C19orf47: variants seen among roughly 807,000 people sequenced by gnomAD.
C19orf47 encodes chromosome 19 open reading frame 47, also known as uncharacterized protein C19orf47.
In C19orf47, 18 loss-of-function variants were observed where a neutral mutation model predicts 32.3. That is an observed-to-expected ratio of 0.56 (90% confidence interval 0.39 to 0.83). The LOEUF is 0.83. Ranked by LOEUF, C19orf47 falls within the 40% of genes least tolerant of loss-of-function variation. C19orf47 has a pLI of 0.00. For missense variants in C19orf47, 484 were observed against 531.6 expected, an observed-to-expected ratio of 0.91 and a Z score of 0.88; for synonymous variants, 202 against 211.1, an observed-to-expected ratio of 0.96 and a Z score of 0.37.
At position 40,326,294 on chromosome 19, in the gene C19orf47, A is replaced by G. The variant is rs1195894158; in HGVS notation, c.592+40T>C. The stretch of plus-strand genomic sequence containing the variant: ...CCCTGTGTGATGCAGAGGGAGGGAC[A>G]TGGACCCCGCAGGGAAGCATGCCCC... On this transcript the variant is annotated intron_variant, in intron 7 of 8. Transcript: ENST00000683109. The G allele has an allele frequency of 8.1e-6, 13 of 1,610,988 alleles. 1 individual carries two copies. In the South Asian group the frequency reaches 1.2e-4, roughly 15 times the overall value.
intron 5 of C19orf47, among the ~76,000 whole-genome samples, 176 bp downstream of exon 5, chr19:40,333,675 T>C (rs955964279): frequency 6.6e-6 from 1 of 152,176 alleles, no homozygotes; most frequent in Non-Finnish European, 1.5e-5. Context: ...ATTGACTGTG[T>C]GTACAGCCAT....
intron 1 of C19orf47, among the ~76,000 whole-genome samples, chr19:40,346,596 G>A (rs1211470053): frequency 1.4e-5 from 2 of 144,838 alleles, no homozygotes; most frequent in African/African-American, 2.6e-5. Context: ...GCGTGATCTC[G>A]TCTCACTGCA....
intron 2 of C19orf47, among the ~76,000 whole-genome samples, chr19:40,339,463 A>G (rs2078133723): frequency 6.6e-6 from 1 of 152,222 alleles, no homozygotes; most frequent in South Asian, 2.1e-4. Context: ...ATAATGCAAT[A>G]TCCATTGACA....
In C19orf47 at chr19:40,335,639, T is replaced by TC. The variant is rs1345712581; in HGVS notation, c.222+470dup. Reference sequence around the variant, plus strand: ...TTTTTTTTTTTTTCTTGAGAGAGTCTCGCTCTGTCGCCCAGGCTGGAGTGC... The same window carrying TC: ...TTTTTTTTTTTTTCTTGAGAGAGTCTCCGCTCTGTCGCCCAGGCTGGAGTGC... On this transcript the variant is annotated intron_variant, in intron 4 of 8. Transcript: ENST00000683109. 4.7e-5 allele frequency among the ~76,000 whole-genome samples: 7 copies of TC among 149,890 alleles called. No individual in the cohort carries two copies. In the Admixed American group the frequency reaches 4.7e-4, roughly 10 times the overall value.
rs2077733432 is a variant in C19orf47 at position 40,322,178 on chromosome 19, C to T, written c.862G>A (p.Ala288Thr). Residue 288 changes from alanine (A) to threonine (T), a missense_variant, in exon 9 of 9, where the codon GCT becomes ACT. Physicochemically the swap from Ala to Thr is moderately conservative, Grantham distance 58. Around this residue, in one of 3 missense-constraint regions of C19orf47, gnomAD observed 376 missense variants for 370.2 expected, o/e 1.02. Transcript: ENST00000683109. Reference protein sequence around the residue: ...AKATSSATTAAAPTLRRLALS... With the variant: ...AKATSSATTATAPTLRRLALS... ...GCCAGGCGCCGCAGTGTCGGGGCAG[C>T]AGCCGTTGTCGCTGAGCTTGTGGCC... The T allele has an allele frequency of 1.2e-6, 2 of 1,612,214 alleles. No homozygotes were observed. Among genetic ancestry groups the T allele is most frequent in the African/African-American group, 2.7e-5 (2 of 74,946 alleles).
chr19:40,338,316 T>C (rs1043104512), intron 2 of C19orf47, among the ~76,000 whole-genome samples: 2 of 147,600 alleles, frequency 1.4e-5, no homozygotes, highest in African/African-American at 2.6e-5. Flanking sequence ...CACATATATA[T>C]ACACAAATAT....
At chr19:40,298,565 T>C in the C19orf47 span, among the ~76,000 whole-genome samples, 2 of 152,210 alleles carry the variant, frequency 1.3e-5, no homozygotes, top group African/African-American at 4.8e-5. Flanking sequence ...TGAAAAACTA[T>C]TCTGCGAGAA....
At chr19:40,308,614 C>G in the C19orf47 span, among the ~76,000 whole-genome samples, 1 of 151,990 alleles carries the variant, frequency 6.6e-6, no homozygotes. Context: ...CAGGCGTATG[C>G]CACTACACCT....
chr19:40,324,603 T>C (rs2077790199), intron 7 of C19orf47: 1 of 157,140 alleles, frequency 6.4e-6, no homozygotes, highest in Admixed American at 6.1e-5. Context: ...GGTGTACCTG[T>C]AATCCCTTTG....
the C19orf47 span, among the ~76,000 whole-genome samples, chr19:40,295,728 G>T: frequency 6.6e-6 from 1 of 151,724 alleles, no homozygotes; most frequent in Admixed American, 6.6e-5. Flanking sequence ...GAGCCACCGT[G>T]CCTGGCCTAG....
At chr19:40,323,962 A>G (rs1433383181) in intron 8 of C19orf47, 44 bp downstream of exon 8, 3 of 1,609,424 alleles carry the variant, frequency 1.9e-6, no homozygotes, top group South Asian at 1.1e-5. Context: ...CTCAGGGAAG[A>G]CAACAGCTCG....
intron 8 of C19orf47, 129 bp from the exon 9 acceptor site, chr19:40,322,505 G>C: frequency 8.4e-7 from 1 of 1,185,282 alleles, no homozygotes; most frequent in Admixed American, 3.0e-5. Context: ...TGACACCCCA[G>C]ATAGTGGCGA....
Position 40,321,777 on chromosome 19 carries a change from C to T in C19orf47, c.*105G>A. On this transcript the variant is annotated 3_prime_UTR_variant, in exon 9 of 9. Transcript: ENST00000683109. ...AGCTCTAGAGCCCGAGGGAGACAAG[C>T]TGTGTCATCCAGGAGCTGGTGGGAG... is the stretch of plus-strand genomic sequence containing the variant. 1 of 1,440,966 alleles carries T rather than the reference C, an allele frequency of 6.9e-7. No homozygotes were observed. 89.3% of individuals were successfully genotyped at this position (1,440,966 alleles called of 1,614,324 possible).
intron 6 of C19orf47, 92 bp downstream of exon 6, chr19:40,328,321 C>T: frequency 1.3e-6 from 2 of 1,540,440 alleles, no homozygotes; most frequent in Non-Finnish European, 8.7e-7. Flanking sequence ...GCCTTCAAAG[C>T]ACCTTACAAT....
In C19orf47 at chr19:40,322,396, G is replaced by C; in HGVS notation, c.664-20C>G. On this transcript the variant is annotated intron_variant, in intron 8 of 8. Coordinates refer to ENST00000683109, the MANE Select transcript of C19orf47 (RefSeq NM_001256441.2). ...TGTGGGCTGTGGAGGTCAGAGACAG[G>C]ATGAATGAGTCACTGAGTCACTCAA... 17 of 1,545,292 alleles carry C rather than the reference G, an allele frequency of 1.1e-5. No homozygotes were observed. Among genetic ancestry groups the C allele is most frequent in the Non-Finnish European group, 1.5e-5 (17 of 1,144,658 alleles).
At chr19:40,298,104 C>T in the C19orf47 span, among the ~76,000 whole-genome samples, 4 of 151,504 alleles carry the variant, frequency 2.6e-5, no homozygotes, top group African/African-American at 9.7e-5. Context: ...TCTAATGTCT[C>T]ATGAAACTTC....
chr19:40,307,089 C>CT, the C19orf47 span, among the ~76,000 whole-genome samples: 203 of 64,858 alleles, frequency 3.1e-3, 11 homozygotes, highest in African/African-American at 4.8e-3. Flanking sequence ...GCGCCCGGCC[C>CT]TTTTTTTTTT....
intron 1 of C19orf47, among the ~76,000 whole-genome samples, chr19:40,346,787 A>G (rs2078302487): frequency 6.6e-6 from 1 of 151,968 alleles, no homozygotes; most frequent in South Asian, 2.1e-4. Context: ...CGGCCTCCCA[A>G]AGTGCTAGGA....
the C19orf47 span, among the ~76,000 whole-genome samples, chr19:40,302,579 C>T: frequency 6.6e-6 from 1 of 152,180 alleles, no homozygotes; most frequent in Non-Finnish European, 1.5e-5. Context: ...GCATGAGCCA[C>T]CACTCCTGGC....
Sources: allele counts gnomAD v4.1 joint callset (sites outside exome capture counted in the v4.1 genomes callset), GRCh38; gene constraint gnomAD v4.1.1; regional missense constraint gnomAD v4.1.1; transcripts MANE v1.5; gene names NCBI Gene and HGNC (gene_info 2026-07-23, HGNC 2026-07-21).